Variants in MDFI observed in about 807,000 individuals in gnomAD.
MDFI encodes inhibitor of MyoD family a.
MDFI carries 16 observed loss-of-function variants against 22.3 expected under a neutral mutation model. The ratio of observed to expected loss-of-function variants is 0.72; its 90% CI spans 0.49 to 1.09. The LOEUF is 1.09. Among genes scored for constraint, MDFI ranks in the 50% least tolerant of loss-of-function variants. The pLI is 0.00. For missense variants in MDFI, 314 were observed against 326.1 expected, an observed-to-expected ratio of 0.96 and a Z score of 0.29; for synonymous variants, 145 against 142.7, an observed-to-expected ratio of 1.02 and a Z score of -0.12.
rs200469161 is a variant in MDFI, at chr6:41,646,118, T to A, written c.77-8T>A. On this transcript the variant is annotated splice_region_variant and splice_polypyrimidine_tract_variant and intron_variant, in intron 2 of 4. Coordinates refer to ENST00000230321, the MANE Select transcript of MDFI (RefSeq NM_005586.4). ...AAAATGGACCTCAGTCATCTGCTTT[T>A]TTCCTAGCCCAGACCCTATCCCTCC... is the stretch of plus-strand genomic sequence containing the variant. 2.0e-3 allele frequency: 2,866 copies of A among 1,460,716 alleles called. 29 individuals carry two copies. The highest frequency in any genetic ancestry group is 0.015 in the Middle Eastern group (85 of 5,502). The allele number at this position is 1,460,716 out of a possible 1,614,324, so 90.5% of individuals were successfully genotyped here.
Position 41,646,252 on chromosome 6 carries a change from G to A in MDFI, c.203G>A (p.Gly68Asp), listed in dbSNP as rs774714232. 3.2e-6 allele frequency: 5 copies of A among 1,574,682 alleles called. No homozygotes were observed. The highest frequency in any genetic ancestry group is 4.3e-6 in the Non-Finnish European group (5 of 1,161,744). ...CCCATGCCCCAAGGCAATGGCCCTG[G>A]CATCCCCCAGGGCCTGGACAGCACT... ...ATPMPQGNGP[G>D]IPQGLDSTDL... The change falls in exon 3 of 5, where the codon GGC becomes GAC. Residue 68 changes from glycine to aspartate, a missense_variant. Coordinates refer to ENST00000230321, the MANE Select transcript of MDFI (RefSeq NM_005586.4).
Position 41,639,761 on chromosome 6 carries a change from A to G in MDFI, c.76+936A>G, listed in dbSNP as rs115250411. On this transcript the variant is annotated intron_variant, in intron 2 of 4. Coordinates refer to ENST00000230321, the MANE Select transcript of MDFI (RefSeq NM_005586.4). The stretch of plus-strand genomic sequence containing the variant: ...CGCCATTCCCCCTTTCCCCTCTTTG[A>G]CTCTGAATAATGAAGGTCTGTTCCT... The G allele has an allele frequency of 2.0e-3, 2,010 of 984,816 alleles. 23 individuals are homozygous for G. In the African/African-American group the frequency reaches 0.028, roughly 14 times the overall value. 61.0% of individuals were successfully genotyped at this position (984,816 alleles called of 1,614,324 possible).
intron 2 of MDFI, among the ~76,000 whole-genome samples, chr6:41,641,929 TGA>T (rs1767866009): frequency 6.6e-6 from 1 of 152,134 alleles, no homozygotes; most frequent in African/African-American, 2.4e-5. Context: ...GCTGAGGGTG[TGA>T]GTCTCGGCCT....
rs536081529 is a variant in MDFI, at chr6:41,643,341, C to T, written c.77-2785C>T. 7.9e-5 allele frequency among the ~76,000 whole-genome samples: 12 copies of T among 152,230 alleles called. No individual in the cohort carries two copies. The South Asian group carries it at 2.5e-3, about 32-fold the overall frequency. ...AGGTGCCCGTCTTCTGTGCTTCCAC[C>T]ATTCTTCCAGATGCCCCAGTGTAAC... On this transcript the variant is annotated intron_variant, in intron 2 of 4. Transcript: ENST00000230321.
At chr6:41,643,576 A>AGGGAGGGAGGGAGGGAGGGAGGGAG (rs1767936196) in intron 2 of MDFI, among the ~76,000 whole-genome samples, 1 of 73,410 alleles carries the variant, frequency 1.4e-5, no homozygotes, top group African/African-American at 6.6e-5. Context: ...GAAGGAAGGA[A>AGGGAGGGAGGGAGGGAGGGAGGGAG]GGAGGGAGGG....
In MDFI at chr6:41,638,816, C is replaced by G. The variant is rs758208857; in HGVS notation, c.67C>G (p.Pro23Ala). The change falls in exon 2 of 5, where the codon CCG (proline) becomes GCG (alanine). Residue 23 changes from proline to alanine, a missense_variant. By Grantham distance (27) the Pro-to-Ala change is conservative (BLOSUM62 -1). Coordinates refer to ENST00000230321, the MANE Select transcript of MDFI (RefSeq NM_005586.4). The surrounding 1 kb of genome is among the most constrained non-coding windows in gnomAD (Gnocchi z 7.6). ...GCCCTATGGAGCCCCCAGCGCAGCC[C>G]CGGGCCCAGGTAGGACCGGGAGTGG... ...DAPYGAPSAA[P>A]GPAQTLSLLP... 3.8e-6 allele frequency: 6 copies of G among 1,558,612 alleles called. No homozygotes were observed. The highest frequency in any genetic ancestry group is 5.2e-6 in the Non-Finnish European group (6 of 1,158,554).
Position 41,653,238 on chromosome 6 carries a change from G to A in MDFI, c.485-81G>A. ...CGTCCCTGCTGCTGCCGCTGCCGCA[G>A]GCCCCCACACCCCCGGCTATTTCAC... is the stretch of plus-strand genomic sequence containing the variant. On this transcript the variant is annotated intron_variant, in intron 4 of 4. Transcript: ENST00000230321. The surrounding 1 kb of genome is among the most constrained non-coding windows in gnomAD (Gnocchi z 4.2). The A allele has an allele frequency of 6.8e-7, 1 of 1,460,624 alleles. No individual in the cohort carries two copies. The highest frequency in any genetic ancestry group is 9.4e-7 in the Non-Finnish European group (1 of 1,063,570). The allele number at this position is 1,460,624 out of a possible 1,614,324, so 90.5% of individuals were successfully genotyped here.
chr6:41,650,807 C>T (rs1017692272), intron 4 of MDFI, among the ~76,000 whole-genome samples: 17 of 152,074 alleles, frequency 1.1e-4, no homozygotes, highest in African/African-American at 3.1e-4. Context: ...CTCCTGACCT[C>T]AGGTGATCCA....
Position 41,646,859 on chromosome 6 carries a change from AT to A in MDFI, c.259+556del, listed in dbSNP as rs771155208. On this transcript the variant is annotated intron_variant, in intron 3 of 4. Coordinates refer to ENST00000230321, the MANE Select transcript of MDFI (RefSeq NM_005586.4). ...AAGATTTGCCCACATCTTTAGACACATTTTTACTTTCCAACTTTCTTTCCCT... is the reference window on the plus strand; with the variant it reads ...AAGATTTGCCCACATCTTTAGACACATTTTACTTTCCAACTTTCTTTCCCT... Among the ~76,000 whole-genome samples the A allele has an allele frequency of 3.3e-5, 5 of 152,218 alleles. No individual in the cohort carries two copies. In the East Asian group the frequency reaches 9.6e-4, roughly 29 times the overall value.
chr6:41,652,703 A>T (rs1023733943), intron 4 of MDFI, among the ~76,000 whole-genome samples: 4 of 134,996 alleles, frequency 3.0e-5, no homozygotes, highest in Non-Finnish European at 4.6e-5. Flanking sequence ...TACAGCCTCC[A>T]CCTCCTGGGT....
At chr6:41,639,271 T>C (rs923380397) in intron 2 of MDFI, 1 of 985,240 alleles carries the variant, frequency 1.0e-6, no homozygotes, top group Non-Finnish European at 1.2e-6. Flanking sequence ...TCCCGAAAAC[T>C]TTTGTCTGCC....
At chr6:41,650,243 A>C in intron 4 of MDFI, 1 of 166,050 alleles carries the variant, frequency 6.0e-6, no homozygotes, top group Non-Finnish European at 1.3e-5. Flanking sequence ...AAAAAAGAAC[A>C]TGTAGCAGAA....
Position 41,653,393 on chromosome 6 carries a change from G to C in MDFI, c.559G>C (p.Ala187Pro), listed in dbSNP as rs142795908. The change falls in exon 5 of 5, where the codon GCC becomes CCC. Residue 187 changes from alanine (A) to proline (P), a missense_variant. Transcript: ENST00000230321. This position sits in a 1 kb window ranked among gnomAD's most constrained non-coding sequence, Gnocchi z 4.2. ...GCTGTGCAACATCGTCCTGGACTGC[G>C]CCACCTGTGGCTCCTGCAGCTCGGA... ...LTLCNIVLDC[A>P]TCGSCSSEDS... 1 of 1,611,044 alleles carries C rather than the reference G, an allele frequency of 6.2e-7. No individual in the cohort carries two copies. Among genetic ancestry groups the C allele is most frequent in the Non-Finnish European group, 8.5e-7 (1 of 1,179,998 alleles).
chr6:41,645,272 C>T (rs1404350089), intron 2 of MDFI, among the ~76,000 whole-genome samples: 1 of 152,120 alleles, frequency 6.6e-6, no homozygotes. Flanking sequence ...CCTCACCTCC[C>T]ATCCCCCATC....
intron 2 of MDFI, chr6:41,639,105 C>T (rs1013701315): frequency 5.8e-6 from 3 of 518,976 alleles, no homozygotes; most frequent in African/African-American, 2.1e-5. Flanking sequence ...CACAAACACA[C>T]ACACATACAC....
intron 2 of MDFI, among the ~76,000 whole-genome samples, chr6:41,640,074 C>G (rs1279283568): frequency 6.6e-6 from 1 of 152,224 alleles, no homozygotes; most frequent in Non-Finnish European, 1.5e-5. Context: ...CTGTGGGGCC[C>G]CTGCAACGGG....
At chr6:41,644,916 T>TC (rs1262055090) in intron 2 of MDFI, among the ~76,000 whole-genome samples, 1 of 151,586 alleles carries the variant, frequency 6.6e-6, no homozygotes, top group African/African-American at 2.4e-5. Flanking sequence ...TCTGCCCGTG[T>TC]CCCCCTCTGT....
Position 41,649,666 on chromosome 6 carries a change from G to A in MDFI, c.307G>A (p.Asp103Asn), listed in dbSNP as rs1344185052. Residue 103 changes from aspartate (D) to asparagine (N), a missense_variant, in exon 4 of 5, where the codon GAC becomes AAC. By Grantham distance (23) the Asp-to-Asn change is conservative. Transcript: ENST00000230321. ...PLGCTPLLPN[D>N]SGHPSELGGT... ...GGGCTGCACCCCACTTCTGCCGAAT[G>A]ACTCTGGCCACCCCTCAGAGCTGGG... is the stretch of plus-strand genomic sequence containing the variant. 1 of 1,612,822 alleles carries A rather than the reference G, an allele frequency of 6.2e-7. No individual in the cohort carries two copies. The highest frequency in any genetic ancestry group is 8.5e-7 in the Non-Finnish European group (1 of 1,179,240).
rs754576710 is a variant in MDFI, at chr6:41,646,220, G to A, written c.171G>A (p.Ala57=). 53 of 1,593,508 alleles carry A rather than the reference G, an allele frequency of 3.3e-5. No individual in the cohort carries two copies. The East Asian group carries it at 4.7e-4, about 14-fold the overall frequency. Residue 57 remains alanine (A), a synonymous_variant, in exon 3 of 5, where the codon GCG becomes GCA. Coordinates refer to ENST00000230321, the MANE Select transcript of MDFI (RefSeq NM_005586.4). ...CAGAGGAGGGCTCCCTGGAGGAGGC[G>A]GCAACCCCCATGCCCCAAGGCAATG... ...AAPEEGSLEE[A]ATPMPQGNGP...
Sources: gnomAD v4.1 joint callset for allele counts (sites outside exome capture counted in the v4.1 genomes callset) on GRCh38, gnomAD v4.1.1 for gene constraint, Gnocchi (gnomAD v3.1) non-coding constraint, MANE v1.5 for transcripts, NCBI Gene and HGNC (gene_info 2026-07-23, HGNC 2026-07-21) for gene names.